The following ZBTB20 variants were observed in gnomAD, a reference collection of about 807,000 sequenced individuals.
ZBTB20 encodes zinc finger and BTB domain-containing protein 20.
In ZBTB20, 9 loss-of-function variants were observed where a neutral mutation model predicts 56.9. The observed-to-expected ratio is 0.16, with a 90% CI of 0.10 to 0.28. The LOEUF (loss-of-function observed/expected upper bound fraction) is 0.28. Among genes scored for constraint, ZBTB20 ranks in the 10% least tolerant of loss-of-function variants. The pLI is 1.00. For missense variants in ZBTB20, 655 were observed against 1,003.0 expected (o/e 0.65, Z 4.69); for synonymous variants, 417 against 420.7 (o/e 0.99, Z 0.11).
At chr3:114,402,842 T>C (rs13087610) in intron 7 of ZBTB20, among the ~76,000 whole-genome samples, 1 of 152,162 alleles carries the variant, frequency 6.6e-6, no homozygotes, top group Admixed American at 6.5e-5. Flanking sequence ...GAGGTTTGCC[T>C]CTTCTCTTTG....
intron 5 of ZBTB20, among the ~76,000 whole-genome samples, chr3:114,759,770 A>G (rs2068301306): frequency 6.6e-6 from 1 of 152,142 alleles, no homozygotes; most frequent in South Asian, 2.1e-4. Flanking sequence ...ATGAACATTT[A>G]TTGACTCCCA....
intron 7 of ZBTB20, among the ~76,000 whole-genome samples, chr3:114,392,179 A>G (rs1466433376): frequency 6.6e-6 from 1 of 152,196 alleles, no homozygotes; most frequent in African/African-American, 2.4e-5. Flanking sequence ...TGGGTACAAA[A>G]AATAGAAAGA....
intron 5 of ZBTB20, among the ~76,000 whole-genome samples, chr3:114,720,911 A>T (rs566258914): frequency 5.3e-5 from 8 of 152,346 alleles, no homozygotes; most frequent in African/African-American, 1.9e-4. Flanking sequence ...AGAGAAAATC[A>T]TCACTGATAT....
At chr3:114,625,925 G>C (rs1421369646) in intron 6 of ZBTB20, among the ~76,000 whole-genome samples, 3 of 152,224 alleles carry the variant, frequency 2.0e-5, no homozygotes, top group South Asian at 2.1e-4. Context: ...AAAAAGTCTT[G>C]GTATCTGAAC....
At chr3:114,494,240 A>G (rs1046222803) in intron 7 of ZBTB20, among the ~76,000 whole-genome samples, 1 of 152,122 alleles carries the variant, frequency 6.6e-6, no homozygotes, top group Non-Finnish European at 1.5e-5. Flanking sequence ...GCTTTTGTCC[A>G]TTATCTTCAT....
chr3:114,367,311 G>C (rs1364043773), intron 10 of ZBTB20: 1 of 152,248 alleles, frequency 6.6e-6, no homozygotes, highest in Non-Finnish European at 1.5e-5. Flanking sequence ...CTGTCACCCA[G>C]GGTGGAATGC....
In ZBTB20 at chr3:114,333,299, T is replaced by A. The variant is rs1477528927; in HGVS notation, c.*5706A>T. On this transcript the variant is annotated 3_prime_UTR_variant, in exon 12 of 12. Transcript: ENST00000675478. ...CTTGGGAATATGAAAATACTCTCTC[T>A]CAAGAGCAAGGGCTCTTCCGTGCCC... is the stretch of plus-strand genomic sequence containing the variant. The A allele has an allele frequency of 1.3e-5, 2 of 152,216 alleles. No individual in the cohort carries two copies. Among genetic ancestry groups the A allele is most frequent in the Non-Finnish European group, 2.9e-5 (2 of 68,036 alleles). 9.4% of individuals were successfully genotyped at this position (152,216 alleles called of 1,614,324 possible).
intron 8 of ZBTB20, among the ~76,000 whole-genome samples, chr3:114,382,695 C>G (rs1474400477): frequency 6.6e-6 from 1 of 152,124 alleles, no homozygotes; most frequent in Non-Finnish European, 1.5e-5. Context: ...TCTTATTTCA[C>G]TCACTCAATT....
intron 10 of ZBTB20, among the ~76,000 whole-genome samples, chr3:114,363,917 G>C (rs2082130369): frequency 6.6e-6 from 1 of 152,164 alleles, no homozygotes; most frequent in Admixed American, 6.5e-5. Context: ...ATACATCGCT[G>C]ATGAGGTTCT....
At chr3:114,878,301 T>C (rs1443572895) in intron 4 of ZBTB20, among the ~76,000 whole-genome samples, 1 of 152,100 alleles carries the variant, frequency 6.6e-6, no homozygotes, top group African/African-American at 2.4e-5. Flanking sequence ...GGGTAGAATA[T>C]GGCATCATGC....
At chr3:114,468,604 G>C (rs1041919388) in intron 7 of ZBTB20, among the ~76,000 whole-genome samples, 1 of 152,088 alleles carries the variant, frequency 6.6e-6, no homozygotes, top group African/African-American at 2.4e-5. Context: ...GGATATACCA[G>C]CATAAAATAC....
intron 6 of ZBTB20, among the ~76,000 whole-genome samples, chr3:114,623,318 C>G (rs1410266458): frequency 6.6e-6 from 1 of 152,166 alleles, no homozygotes; most frequent in Non-Finnish European, 1.5e-5. Flanking sequence ...CATCCCCACT[C>G]CATTCCTTCG....
At chr3:114,914,154 G>C (rs1193902343) in intron 3 of ZBTB20, among the ~76,000 whole-genome samples, 1 of 151,946 alleles carries the variant, frequency 6.6e-6, no homozygotes, top group African/African-American at 2.4e-5. Context: ...TGAATCTGTA[G>C]ACTGCCTTGG....
intron 6 of ZBTB20, among the ~76,000 whole-genome samples, chr3:114,602,240 G>A (rs1026233429): frequency 1.1e-4 from 17 of 151,970 alleles, no homozygotes; most frequent in Admixed American, 5.9e-4. Context: ...AGATGAGAGC[G>A]GTGAGTATCC....
At chr3:115,079,019 A>G (rs1204592483) in intron 1 of ZBTB20, among the ~76,000 whole-genome samples, 1 of 152,174 alleles carries the variant, frequency 6.6e-6, no homozygotes, top group Non-Finnish European at 1.5e-5. Context: ...TTATAAAAAA[A>G]GTTATATAAA....
intron 2 of ZBTB20, among the ~76,000 whole-genome samples, chr3:115,054,166 C>G (rs907621528): frequency 2.0e-5 from 3 of 151,582 alleles, no homozygotes; most frequent in African/African-American, 7.3e-5. Flanking sequence ...AAGAAACAAA[C>G]TATAGAGAAA....
chr3:115,058,498 G>A (rs1266888762), intron 2 of ZBTB20, among the ~76,000 whole-genome samples: 1 of 152,144 alleles, frequency 6.6e-6, no homozygotes, highest in Non-Finnish European at 1.5e-5. Flanking sequence ...GGAGGCTGAG[G>A]CAGGCAGATC....
At chr3:114,470,998 T>C (rs144337293) in intron 7 of ZBTB20, among the ~76,000 whole-genome samples, 3 of 152,296 alleles carry the variant, frequency 2.0e-5, no homozygotes, top group East Asian at 1.9e-4. Flanking sequence ...TAAATATGCA[T>C]GTATTTATAA....
chr3:114,718,065 G>T (rs113063289), intron 5 of ZBTB20, among the ~76,000 whole-genome samples: 2,031 of 152,150 alleles, frequency 0.013, 49 homozygotes, highest in African/African-American at 0.045. Context: ...CTGATTTTAT[G>T]ACTTTGATAT....
Sources: allele counts gnomAD v4.1 joint callset (sites outside exome capture counted in the v4.1 genomes callset), GRCh38; gene constraint gnomAD v4.1.1; transcripts MANE v1.5; gene names NCBI Gene and HGNC (gene_info 2026-07-23, HGNC 2026-07-21).